Variants in NEGR1 observed in about 807,000 individuals in gnomAD.
The protein encoded by NEGR1 is neuronal growth regulator 1.
In NEGR1, 10 loss-of-function variants were observed where a neutral mutation model predicts 40.9. The ratio of observed to expected loss-of-function variants is 0.24; its 90% CI spans 0.15 to 0.42. The LOEUF (loss-of-function observed/expected upper bound fraction) is 0.42, where lower values mean the gene tolerates loss of function less well. Ranked by LOEUF, NEGR1 falls within the 10% of genes least tolerant of loss-of-function variation. The pLI is 1.00. For missense variants in NEGR1, 352 were observed against 438.9 expected, an observed-to-expected ratio of 0.80 and a Z score of 1.77; for synonymous variants, 185 against 166.8, an observed-to-expected ratio of 1.11 and a Z score of -0.84.
chr1:71,963,812 T>C (rs929328376), intron 1 of NEGR1, among the ~76,000 whole-genome samples: 1 of 152,174 alleles, frequency 6.6e-6, no homozygotes, highest in East Asian at 1.9e-4. Context: ...TTTGACAGTG[T>C]AGATTTGTTG....
intron 2 of NEGR1, among the ~76,000 whole-genome samples, chr1:71,782,638 T>C (rs1383453564): frequency 1.3e-5 from 2 of 152,190 alleles, no homozygotes; most frequent in Non-Finnish European, 1.5e-5. Context: ...GGTTATTCAA[T>C]AAATATTTCA....
chr1:71,949,615 A>T (rs1455351874), intron 1 of NEGR1, among the ~76,000 whole-genome samples: 1 of 152,146 alleles, frequency 6.6e-6, no homozygotes, highest in African/African-American at 2.4e-5. Flanking sequence ...CAGGTTTAGT[A>T]GGAGAGGCAG....
At chr1:71,837,392 T>A (rs956865731) in intron 2 of NEGR1, among the ~76,000 whole-genome samples, 2 of 152,106 alleles carry the variant, frequency 1.3e-5, no homozygotes, top group African/African-American at 4.8e-5. Context: ...CAAATATAGA[T>A]CCCTCTCATT....
At chr1:71,866,971 T>C (rs1660132297) in intron 2 of NEGR1, among the ~76,000 whole-genome samples, 2 of 152,212 alleles carry the variant, frequency 1.3e-5, no homozygotes, top group Non-Finnish European at 2.9e-5. Context: ...TGCAACAGTG[T>C]AGAAGAAAGT....
intron 2 of NEGR1, among the ~76,000 whole-genome samples, chr1:71,906,825 G>T (rs2101868957): frequency 6.6e-6 from 1 of 152,284 alleles, no homozygotes; most frequent in South Asian, 2.1e-4. Context: ...TGGCTCTGGA[G>T]CTAAAACTAG....
intron 6 of NEGR1, among the ~76,000 whole-genome samples, chr1:71,573,103 A>G (rs571186115): frequency 1.3e-5 from 2 of 152,276 alleles, no homozygotes; most frequent in South Asian, 2.1e-4. Context: ...GAAACACTGT[A>G]GGTATGCTTA....
chr1:71,847,562 G>A (rs1308499992), intron 2 of NEGR1, among the ~76,000 whole-genome samples: 1 of 151,944 alleles, frequency 6.6e-6, no homozygotes, highest in East Asian at 1.9e-4. Flanking sequence ...TAATTGTTTT[G>A]GGGCACCAAA....
intron 1 of NEGR1, among the ~76,000 whole-genome samples, chr1:72,139,315 G>T (rs1650585217): frequency 6.8e-6 from 1 of 147,000 alleles, no homozygotes; most frequent in South Asian, 2.1e-4. Flanking sequence ...GATCAGCATA[G>T]AAATCAATAA....
At chr1:71,559,935 C>T (rs76345259) in intron 6 of NEGR1, among the ~76,000 whole-genome samples, 5,343 of 151,370 alleles carry the variant, frequency 0.035, 260 homozygotes, top group African/African-American at 0.1. Context: ...TTCAACCTTA[C>T]TTTCTCCTAG....
intron 4 of NEGR1, among the ~76,000 whole-genome samples, chr1:71,644,201 G>A (rs777324977): frequency 6.6e-6 from 1 of 151,792 alleles, no homozygotes; most frequent in Admixed American, 6.6e-5. Flanking sequence ...TTCCTCTCTA[G>A]CCACACCAGC....
chr1:71,820,057 T>C (rs1658370540), intron 2 of NEGR1, among the ~76,000 whole-genome samples: 1 of 152,040 alleles, frequency 6.6e-6, no homozygotes, highest in Non-Finnish European at 1.5e-5. Flanking sequence ...GGGCAATGCG[T>C]CATTGTCAGA....
At chr1:72,056,278 G>A (rs542418438) in intron 1 of NEGR1, among the ~76,000 whole-genome samples, 7 of 151,216 alleles carry the variant, frequency 4.6e-5, no homozygotes, top group Admixed American at 2.0e-4. Flanking sequence ...TGTGAATAGA[G>A]AGACCTTAAT....
At chr1:71,534,944 C>CTG (rs1415505941) in intron 6 of NEGR1, among the ~76,000 whole-genome samples, 6 of 151,470 alleles carry the variant, frequency 4.0e-5, no homozygotes, top group African/African-American at 1.2e-4. Context: ...CTAATGAACA[C>CTG]TGTCCTTTTG....
At chr1:72,037,108 A>C (rs1194705049) in intron 1 of NEGR1, among the ~76,000 whole-genome samples, 1 of 152,144 alleles carries the variant, frequency 6.6e-6, no homozygotes, top group African/African-American at 2.4e-5. Flanking sequence ...CACTGTTGTA[A>C]ATAAATTTGT....
chr1:72,194,898 G>C (rs1012319191), intron 1 of NEGR1, among the ~76,000 whole-genome samples: 3 of 151,958 alleles, frequency 2.0e-5, no homozygotes, highest in African/African-American at 7.2e-5. Context: ...GTTTCAAATG[G>C]GGATGATGCC....
At chr1:72,247,418 A>C (rs1441336434) in intron 1 of NEGR1, among the ~76,000 whole-genome samples, 2 of 152,212 alleles carry the variant, frequency 1.3e-5, no homozygotes, top group Non-Finnish European at 2.9e-5. Flanking sequence ...GAAGCAGCCA[A>C]GTCACATCTC....
chr1:71,467,984 A>G (rs1646757892), intron 6 of NEGR1, among the ~76,000 whole-genome samples: 1 of 151,996 alleles, frequency 6.6e-6, no homozygotes, highest in South Asian at 2.1e-4. Context: ...CCATAGCTAA[A>G]GGTGGAAAAC....
chr1:71,782,991 AT>A (rs57359688), intron 2 of NEGR1, among the ~76,000 whole-genome samples: 15,021 of 145,956 alleles, frequency 0.1, 1,022 homozygotes, highest in African/African-American at 0.2. Context: ...TGGTCTCAGT[AT>A]TTTTTTTTTT....
At chr1:71,697,244 G>T (rs1653506287) in intron 4 of NEGR1, among the ~76,000 whole-genome samples, 1 of 151,718 alleles carries the variant, frequency 6.6e-6, no homozygotes, top group African/African-American at 2.4e-5. Context: ...TAAATACTTT[G>T]GGTAAAATAC....
Sources: gnomAD v4.1 joint callset for allele counts (sites outside exome capture counted in the v4.1 genomes callset) on GRCh38, gnomAD v4.1.1 for gene constraint, MANE v1.5 for transcripts, NCBI Gene and HGNC (gene_info 2026-07-23, HGNC 2026-07-21) for gene names.